HIBADH: variants seen among roughly 807,000 people sequenced by gnomAD.
The protein encoded by HIBADH is 3-hydroxyisobutyrate dehydrogenase, mitochondrial.
In HIBADH, 25 loss-of-function variants were observed where a neutral mutation model predicts 36.1. The observed-to-expected ratio is 0.69, with a 90% confidence interval of 0.50 to 0.97. The LOEUF (loss-of-function observed/expected upper bound fraction) is 0.97. Ranked by LOEUF, HIBADH falls within the 50% of genes least tolerant of loss-of-function variation. The pLI is 0.00. For synonymous variants in HIBADH, 160 were observed against 149.5 expected (o/e 1.07, Z -0.51); for missense variants, 421 against 418.0 (o/e 1.01, Z -0.06).
intron 4 of HIBADH, among the ~76,000 whole-genome samples, chr7:27,604,146 A>G (rs1394049212): frequency 6.6e-6 from 1 of 152,138 alleles, no homozygotes; most frequent in African/African-American, 2.4e-5. Context: ...CTTCATTACT[A>G]AATAACATAT....
chr7:27,552,485 G>C (rs1784332089), intron 4 of HIBADH, among the ~76,000 whole-genome samples: 1 of 152,134 alleles, frequency 6.6e-6, no homozygotes, highest in Non-Finnish European at 1.5e-5. Context: ...TTCAGAGTAA[G>C]GCTTGTCTTT....
At chr7:27,533,214 T>C (rs1161420039) in intron 6 of HIBADH, among the ~76,000 whole-genome samples, 1 of 152,170 alleles carries the variant, frequency 6.6e-6, no homozygotes, top group East Asian at 1.9e-4. Flanking sequence ...CTCTTTTCTA[T>C]AATATTCAAC....
In HIBADH at chr7:27,537,153, A is replaced by T. The variant is rs185818057; in HGVS notation, c.695+1188T>A. 5.8e-4 allele frequency among the ~76,000 whole-genome samples: 88 copies of T among 152,282 alleles called. 1 individual carries two copies. In the East Asian group the frequency reaches 0.017, roughly 29 times the overall value. On this transcript the variant is annotated intron_variant, in intron 6 of 7. Transcript: ENST00000265395. The stretch of plus-strand genomic sequence containing the variant: ...AACACTGAAAAGGTCCCTATATACT[A>T]CCACTTTTATTAAGGCTCTGTACAG...
At chr7:27,578,362 C>T (rs1033188979) in intron 4 of HIBADH, among the ~76,000 whole-genome samples, 2 of 150,860 alleles carry the variant, frequency 1.3e-5, no homozygotes, top group Non-Finnish European at 2.9e-5. Context: ...GTTGCGCAAG[C>T]TGGAGTGCAG....
intron 4 of HIBADH, among the ~76,000 whole-genome samples, chr7:27,572,503 T>C (rs1784644274): frequency 6.6e-6 from 1 of 152,198 alleles, no homozygotes; most frequent in African/African-American, 2.4e-5. Flanking sequence ...TCTTTACCAT[T>C]AGCACCTTCA....
chr7:27,557,574 G>T (rs1784410973), intron 4 of HIBADH, among the ~76,000 whole-genome samples: 1 of 152,302 alleles, frequency 6.6e-6, no homozygotes, highest in South Asian at 2.1e-4. Flanking sequence ...AGGTTCAGTT[G>T]TCTGGTGAGG....
chr7:27,660,859 G>A (rs1482525695), intron 1 of HIBADH, among the ~76,000 whole-genome samples: 1 of 152,104 alleles, frequency 6.6e-6, no homozygotes, highest in African/African-American at 2.4e-5. Context: ...AGTTTACAGA[G>A]GCACGTATTA....
chr7:27,662,670 C>A (rs763848726), intron 1 of HIBADH, 28 bp downstream of exon 1: 1 of 1,266,670 alleles, frequency 7.9e-7, no homozygotes, highest in Non-Finnish European at 1.0e-6. Context: ...GAAAGAAGGA[C>A]AAGGGGGAGG....
chr7:27,630,499 A>G (rs2128294433), intron 3 of HIBADH, among the ~76,000 whole-genome samples: 1 of 152,322 alleles, frequency 6.6e-6, no homozygotes, highest in Admixed American at 6.5e-5. Context: ...AATCATGATA[A>G]GAAAATTAAA....
intron 4 of HIBADH, among the ~76,000 whole-genome samples, chr7:27,575,635 G>A (rs1784698365): frequency 6.6e-6 from 1 of 152,148 alleles, no homozygotes. Flanking sequence ...AAAGCAGCAA[G>A]AAGTAGAGGA....
At chr7:27,650,715 A>T (rs76587362) in intron 1 of HIBADH, among the ~76,000 whole-genome samples, 1 of 13,512 alleles carries the variant, frequency 7.4e-5, no homozygotes. Flanking sequence ...CTGCCATTAA[A>T]AAAAAAAAAA....
At chr7:27,553,142 G>A (rs1295525529) in intron 4 of HIBADH, among the ~76,000 whole-genome samples, 1 of 152,154 alleles carries the variant, frequency 6.6e-6, no homozygotes, top group Non-Finnish European at 1.5e-5. Context: ...CAAGGACAAA[G>A]CTGAGATTCT....
chr7:27,539,047 G>A (rs767321967), intron 5 of HIBADH, among the ~76,000 whole-genome samples: 6 of 152,132 alleles, frequency 3.9e-5, no homozygotes, highest in Admixed American at 6.5e-5. Flanking sequence ...AAATTTGATC[G>A]TTAAGACTGG....
chr7:27,547,921 G>T (rs35816118), intron 4 of HIBADH, among the ~76,000 whole-genome samples: 1 of 151,806 alleles, frequency 6.6e-6, no homozygotes, highest in South Asian at 2.1e-4. Context: ...AATATTTGTG[G>T]CTGCCTTTAG....
chr7:27,567,829 G>A (rs1323736109), intron 4 of HIBADH, among the ~76,000 whole-genome samples: 1 of 152,026 alleles, frequency 6.6e-6, no homozygotes, highest in African/African-American at 2.4e-5. Flanking sequence ...TTCCACCAAT[G>A]TTTTACAGAT....
chr7:27,552,809 G>A (rs1014522876), intron 4 of HIBADH, among the ~76,000 whole-genome samples: 2 of 152,190 alleles, frequency 1.3e-5, no homozygotes, highest in African/African-American at 4.8e-5. Context: ...AAAAGCTCAT[G>A]ATGGAGTGAC....
At chr7:27,640,427 G>A (rs151087129) in intron 2 of HIBADH, among the ~76,000 whole-genome samples, 1,734 of 152,294 alleles carry the variant, frequency 0.011, 28 homozygotes, top group African/African-American at 0.035. Context: ...CTACTTGGGA[G>A]GCAGGGGCGG....
intron 4 of HIBADH, among the ~76,000 whole-genome samples, chr7:27,616,052 A>C (rs1202202536): frequency 6.6e-6 from 1 of 152,228 alleles, no homozygotes; most frequent in Non-Finnish European, 1.5e-5. Flanking sequence ...CTACACAAGA[A>C]GCATGGCACT....
chr7:27,572,315 C>T (rs559383315), intron 4 of HIBADH, among the ~76,000 whole-genome samples: 2 of 152,264 alleles, frequency 1.3e-5, no homozygotes, highest in African/African-American at 4.8e-5. Flanking sequence ...TATCCAGCCA[C>T]CGGTATTTTA....
Sources: allele counts gnomAD v4.1 joint callset (sites outside exome capture counted in the v4.1 genomes callset), GRCh38; gene constraint gnomAD v4.1.1; transcripts MANE v1.5; gene names NCBI Gene and HGNC (gene_info 2026-07-23, HGNC 2026-07-21).